WASHC2C: variants seen among roughly 807,000 people sequenced by gnomAD.
The protein encoded by WASHC2C is WASH complex subunit 2C.
In WASHC2C, 73 loss-of-function variants were observed where a neutral mutation model predicts 142.2. That is an observed-to-expected ratio of 0.51 (90% CI 0.43 to 0.62). WASHC2C has a LOEUF of 0.62. Among genes scored for constraint, WASHC2C ranks in the 20% least tolerant of loss-of-function variants. The pLI, the probability that WASHC2C is intolerant of heterozygous loss-of-function variation, is 0.00. For synonymous variants in WASHC2C, 337 were observed against 565.5 expected, an observed-to-expected ratio of 0.60 and a Z score of 5.73; for missense variants, 969 against 1,531.7, an observed-to-expected ratio of 0.63 and a Z score of 6.13.
At chr10:45,758,036 C>G (rs2054542904) in intron 16 of WASHC2C, among the ~76,000 whole-genome samples, 1 of 152,162 alleles carries the variant, frequency 6.6e-6, no homozygotes, top group Non-Finnish European at 1.5e-5. Context: ...TCTCTTTGGT[C>G]TCCTTAATCT....
intron 23 of WASHC2C, among the ~76,000 whole-genome samples, chr10:45,784,272 A>ATATATATATATGTG (rs1564819860): frequency 5.0e-4 from 3 of 5,988 alleles, no homozygotes; most frequent in Non-Finnish European, 9.9e-4. Context: ...ATATATATAT[A>ATATATATATATGTG]TATATATATA....
In WASHC2C at chr10:45,739,262, G is replaced by A. The variant is rs369510080; in HGVS notation, c.355-811G>A. On this transcript the variant is annotated intron_variant, in intron 4 of 30. Transcript: ENST00000623400. ...CAGTTAGAAAGACTTCAGTACTTGA[G>A]ATAAAAGACTAAAATGCTCGTAGGG... is the stretch of plus-strand genomic sequence containing the variant. Among the ~76,000 whole-genome samples, 42 of 147,578 alleles carry A rather than the reference G, an allele frequency of 2.8e-4. No individual in the cohort carries two copies. In the South Asian group the frequency reaches 8.5e-3, roughly 30 times the overall value.
At chr10:45,757,775 A>G (rs1246016802) in intron 16 of WASHC2C, among the ~76,000 whole-genome samples, 1 of 152,212 alleles carries the variant, frequency 6.6e-6, no homozygotes, top group Non-Finnish European at 1.5e-5. Context: ...TGCACAGTTC[A>G]CAATAGCGTT....
intron 21 of WASHC2C, among the ~76,000 whole-genome samples, chr10:45,777,066 T>C (rs1369136259): frequency 6.6e-6 from 1 of 151,828 alleles, no homozygotes; most frequent in East Asian, 1.9e-4. Context: ...GGTGATATGG[T>C]GGCGTGAAGT....
Position 45,759,382 on chromosome 10 carries a change from C to A in WASHC2C, c.1616C>A (p.Ser539Ter). 5 of 1,292,908 alleles carry A rather than the reference C, an allele frequency of 3.9e-6. No homozygotes were observed. Among genetic ancestry groups the A allele is most frequent in the Non-Finnish European group, 5.1e-6 (5 of 990,008 alleles). The allele number at this position is 1,292,908 out of a possible 1,614,324, so 80.1% of individuals were successfully genotyped here. A position where few individuals can be genotyped will look rare whatever the true frequency, so the allele number is the denominator to read the frequency against. ...ACAAAGACTCAAAAAGGCTTATTTT[C>A]AGATGAGGAGGACTCTGAGGTATGG... is the stretch of plus-strand genomic sequence containing the variant. ...SETKTQKGLFSDEEDSEDLFS... is the reference protein window; with the variant it reads ...SETKTQKGLF Residue 539 changes from serine to a stop codon, truncating the protein, a stop_gained, in exon 17 of 31, where the codon TCA becomes TAA. Transcript: ENST00000623400. LOFTEE classifies it high-confidence loss of function.
intron 19 of WASHC2C, among the ~76,000 whole-genome samples, chr10:45,767,245 G>A (rs1403218101): frequency 1.3e-5 from 2 of 148,964 alleles, no homozygotes; most frequent in Admixed American, 1.3e-4. Flanking sequence ...CTCCAGCCTG[G>A]GCAACGAGCG....
intron 19 of WASHC2C, among the ~76,000 whole-genome samples, chr10:45,766,063 G>A (rs201950348): frequency 0.027 from 3,849 of 142,188 alleles, 7 homozygotes; most frequent in East Asian, 0.066. Flanking sequence ...GAGTTAGGCC[G>A]GCTAGGGGGG....
chr10:45,789,370 C>T lies in WASHC2C; in HGVS notation c.3587C>T (p.Thr1196Ile), dbSNP rs1482198696. The stretch of plus-strand genomic sequence containing the variant: ...GCTAAACCAAAACCAGCAAAGAAAA[C>T]AAATCCCTTTCCTCTCCTGGAAGAT... ...QSAKPKPAKK[T>I]NPFPLLEDED... Residue 1196 changes from threonine to isoleucine, a missense_variant, in exon 29 of 31, where the codon ACA becomes ATA. Thr to Ile is a moderately conservative substitution (Grantham distance 89). Transcript: ENST00000623400. 5.0e-6 allele frequency: 8 copies of T among 1,611,914 alleles called. No homozygotes were observed. The African/African-American group carries it at 6.7e-5, about 13-fold the overall frequency.
At chr10:45,731,305 C>T (rs2050547848) in intron 3 of WASHC2C, among the ~76,000 whole-genome samples, 1 of 133,946 alleles carries the variant, frequency 7.5e-6, no homozygotes, top group Non-Finnish European at 1.6e-5. Flanking sequence ...ACTGCAACAT[C>T]CGCCTCCCGT....
intron 20 of WASHC2C, 49 bp downstream of exon 20, chr10:45,769,667 A>T (rs1329241240): frequency 6.2e-7 from 1 of 1,611,316 alleles, no homozygotes; most frequent in East Asian, 2.2e-5. Context: ...CGTGGTAACA[A>T]GAAAAGGAAT....
intron 21 of WASHC2C, among the ~76,000 whole-genome samples, chr10:45,776,970 A>C (rs1332996389): frequency 6.7e-6 from 1 of 150,216 alleles, no homozygotes; most frequent in Non-Finnish European, 1.5e-5. Flanking sequence ...TGAGGCAGAG[A>C]GAGAGACTCA....
chr10:45,761,938 C>T (rs2135097183), intron 17 of WASHC2C, among the ~76,000 whole-genome samples: 1 of 151,804 alleles, frequency 6.6e-6, no homozygotes, highest in East Asian at 1.9e-4. Flanking sequence ...GGGAAAAACA[C>T]TGTGTGGAGG....
intron 19 of WASHC2C, among the ~76,000 whole-genome samples, chr10:45,768,453 A>G (rs1410559317): frequency 5.9e-5 from 9 of 152,092 alleles, no homozygotes; most frequent in African/African-American, 2.2e-4. Context: ...TGTGAAATGC[A>G]GGTTCTGATT....
chr10:45,755,663 T>G (rs2054186063), intron 15 of WASHC2C, among the ~76,000 whole-genome samples: 1 of 152,164 alleles, frequency 6.6e-6, no homozygotes, highest in Non-Finnish European at 1.5e-5. Flanking sequence ...AGATGAATCT[T>G]CCAGGGGCTT....
At chr10:45,777,103 G>GACTTGT (rs2057158634) in intron 21 of WASHC2C, among the ~76,000 whole-genome samples, 170 bp from the exon 22 acceptor site, 1 of 151,530 alleles carries the variant, frequency 6.6e-6, no homozygotes, top group African/African-American at 2.4e-5. Flanking sequence ...CCGGGTGGTG[G>GACTTGT]TGTTTGTTGC....
intron 23 of WASHC2C, among the ~76,000 whole-genome samples, chr10:45,780,068 G>A (rs1378839533): frequency 1.3e-5 from 2 of 151,624 alleles, no homozygotes; most frequent in African/African-American, 4.8e-5. Context: ...GACATCACCA[G>A]AAAGCTAGAT....
intron 13 of WASHC2C, among the ~76,000 whole-genome samples, chr10:45,754,174 C>T (rs1292912510): frequency 1.3e-5 from 2 of 152,150 alleles, no homozygotes; most frequent in Non-Finnish European, 1.5e-5. Context: ...GAGCCCCGGT[C>T]ATGCTGTCCC....
Position 45,785,574 on chromosome 10 carries a change from T to A in WASHC2C, c.2754T>A (p.His918Gln). The A allele has an allele frequency of 6.2e-7, 1 of 1,613,900 alleles. No individual in the cohort carries two copies. The highest frequency in any genetic ancestry group is 1.7e-5 in the Admixed American group (1 of 59,996). Reference protein sequence around the residue: ...HSVNSFKNQKHPESIQGSKEK... With the variant: ...HSVNSFKNQKQPESIQGSKEK... ...TTAACTCTTTCAAAAACCAGAAACA[T>A]CCTGAATCCATTCAAGGTAGTAAAG... The change falls in exon 26 of 31, where the codon CAT (histidine) becomes CAA (glutamine). Residue 918 changes from histidine (H) to glutamine (Q), a missense_variant. Physicochemically the swap from His to Gln is conservative, Grantham distance 24. Coordinates refer to ENST00000623400, the MANE Select transcript of WASHC2C (RefSeq NM_001330074.2).
At chr10:45,772,472 A>T (rs1162145873) in intron 20 of WASHC2C, among the ~76,000 whole-genome samples, 2 of 152,098 alleles carry the variant, frequency 1.3e-5, no homozygotes, top group Non-Finnish European at 2.9e-5. Flanking sequence ...ATCCTAACTG[A>T]TTGGGAGGCC....
Sources: gnomAD v4.1 joint callset for allele counts (sites outside exome capture counted in the v4.1 genomes callset) on GRCh38, gnomAD v4.1.1 for gene constraint, MANE v1.5 for transcripts, NCBI Gene and HGNC (gene_info 2026-07-23, HGNC 2026-07-21) for gene names.